TSHR: variants seen among roughly 807,000 people sequenced by gnomAD.
The protein encoded by TSHR is thyrotropin receptor.
TSHR carries 51 observed loss-of-function variants against 64.1 expected under a neutral mutation model. That is an observed-to-expected ratio of 0.80 (90% CI 0.64 to 1.01). The LOEUF is 1.01. TSHR is among the 50% of genes least tolerant of loss of function. The pLI, the probability that TSHR is intolerant of heterozygous loss-of-function variation, is 0.00. For synonymous variants in TSHR, 361 were observed against 361.9 expected (o/e 1.00, Z 0.03); for missense variants, 877 against 942.8 (o/e 0.93, Z 0.91).
chr14:80,957,607 T>C (rs1244102567), intron 1 of TSHR, among the ~76,000 whole-genome samples: 2 of 152,186 alleles, frequency 1.3e-5, no homozygotes, highest in African/African-American at 4.8e-5. Context: ...TTCAAGTCAT[T>C]GAAGAGAGAT....
At chr14:80,982,932 G>T in intron 1 of TSHR, 1 of 521,436 alleles carries the variant, frequency 1.9e-6, no homozygotes, top group Non-Finnish European at 3.5e-6. Context: ...CTTGCAAAAT[G>T]GAATGCTATG....
chr14:81,070,107 G>C (rs1049710363), intron 3 of TSHR, among the ~76,000 whole-genome samples: 1 of 151,886 alleles, frequency 6.6e-6, no homozygotes, highest in Admixed American at 6.6e-5. Context: ...GAGAAAATAA[G>C]AAATATATAG....
intron 1 of TSHR, chr14:80,983,055 C>T (rs1888253349): frequency 5.4e-6 from 3 of 550,606 alleles, no homozygotes; most frequent in East Asian, 5.7e-5. Flanking sequence ...ACCCATTTGC[C>T]CAAGAGTTTA....
At chr14:81,021,978 A>T (rs1284201861) in intron 1 of TSHR, among the ~76,000 whole-genome samples, 1 of 152,026 alleles carries the variant, frequency 6.6e-6, no homozygotes, top group Non-Finnish European at 1.5e-5. Context: ...AATTACAGTA[A>T]TCGGCCGCGT....
intron 1 of TSHR, among the ~76,000 whole-genome samples, chr14:80,997,580 T>G (rs1055590128): frequency 5.9e-5 from 9 of 152,194 alleles, no homozygotes; most frequent in Non-Finnish European, 1.2e-4. Flanking sequence ...TACCCTAAAA[T>G]GATCATTTAA....
rs766480234 is a variant in TSHR, at chr14:80,955,709, T to A, written c.29T>A (p.Val10Glu). 1 of 1,614,094 alleles carries A rather than the reference T, an allele frequency of 6.2e-7. No homozygotes were observed. The highest frequency in any genetic ancestry group is 1.1e-5 in the South Asian group (1 of 91,084). Residue 10 changes from valine to glutamate, a missense_variant, in exon 1 of 10, where the codon GTG becomes GAG. Transcript: ENST00000298171. Reference sequence around the variant, plus strand: ...AGGCCGGCGGACTTGCTGCAGCTGGTGCTGCTGCTCGACCTGCCCAGGGAC... The same window carrying A: ...AGGCCGGCGGACTTGCTGCAGCTGGAGCTGCTGCTCGACCTGCCCAGGGAC... Reference protein sequence around the residue: MRPADLLQLVLLLDLPRDLG... With the variant: MRPADLLQLELLLDLPRDLG...
chr14:81,129,806 G>T (rs1891163789), intron 8 of TSHR, among the ~76,000 whole-genome samples: 1 of 152,054 alleles, frequency 6.6e-6, no homozygotes, highest in African/African-American at 2.4e-5. Flanking sequence ...TTTAAGGCTG[G>T]CCCCTTCACC....
At chr14:81,010,468 A>G (rs1156463540) in intron 1 of TSHR, among the ~76,000 whole-genome samples, 1 of 151,646 alleles carries the variant, frequency 6.6e-6, no homozygotes, top group Non-Finnish European at 1.5e-5. Context: ...ATTTTTAACT[A>G]TATTATAGTT....
intron 4 of TSHR, among the ~76,000 whole-genome samples, chr14:81,088,947 G>A (rs115879421): frequency 0.037 from 5,594 of 151,290 alleles, 210 homozygotes; most frequent in African/African-American, 0.099. Context: ...CACAAATGTA[G>A]GGAACCACGC....
intron 1 of TSHR, chr14:81,001,601 TC>T (rs368047815): frequency 2.1e-5 from 11 of 524,432 alleles, no homozygotes; most frequent in African/African-American, 1.2e-4. Flanking sequence ...CACTACCAAC[TC>T]CCCCATTGTA....
intron 3 of TSHR, among the ~76,000 whole-genome samples, chr14:81,080,553 T>C (rs1887828479): frequency 6.6e-6 from 1 of 151,870 alleles, no homozygotes; most frequent in South Asian, 2.1e-4. Flanking sequence ...TCTGAATACT[T>C]ATAAACTCTC....
Position 81,142,606 on chromosome 14 carries a change from C to CTTTT in TSHR, c.882-317_882-314dup, listed in dbSNP as rs10711545. On this transcript the variant is annotated intron_variant, in intron 9 of 9. Transcript: ENST00000298171. The stretch of plus-strand genomic sequence containing the variant: ...CATTCGTGGGTTTTAAACAAGCATT[C>CTTTT]TTTTTTTTTTTTTTTTTTTTGAGAC... Among the ~76,000 whole-genome samples the CTTTT allele has an allele frequency of 1.1e-4, 11 of 97,226 alleles. No individual in the cohort carries two copies. In the South Asian group the frequency reaches 3.3e-3, roughly 29 times the overall value. 63.8% of individuals were successfully genotyped at this position (97,226 alleles called of 152,430 possible).
chr14:81,109,757 AAAT>A (rs1890142056), intron 8 of TSHR, among the ~76,000 whole-genome samples: 1 of 152,116 alleles, frequency 6.6e-6, no homozygotes, highest in African/African-American at 2.4e-5. Flanking sequence ...CGCTCCATCC[AAAT>A]AAGAGGTCAG....
rs577098458 is a variant in TSHR at position 81,144,673 on chromosome 14, C to T, written c.*320C>T. 2 of 377,046 alleles carry T rather than the reference C, an allele frequency of 5.3e-6. No individual in the cohort carries two copies. Among genetic ancestry groups the T allele is most frequent in the Non-Finnish European group, 9.7e-6 (2 of 206,814 alleles). The allele number at this position is 377,046 out of a possible 1,614,324, so 23.4% of individuals were successfully genotyped here. ...GGATGTTCAGTAAATATTAACTGAGCTATGTCAATATAGAGCTTCTCAGTT... is the reference window on the plus strand; with the variant it reads ...GGATGTTCAGTAAATATTAACTGAGTTATGTCAATATAGAGCTTCTCAGTT... On this transcript the variant is annotated 3_prime_UTR_variant, in exon 10 of 10. Coordinates refer to ENST00000298171, the MANE Select transcript of TSHR (RefSeq NM_000369.5).
At chr14:81,078,189 A>T (rs976226274) in intron 3 of TSHR, among the ~76,000 whole-genome samples, 16 of 152,112 alleles carry the variant, frequency 1.1e-4, no homozygotes, top group Non-Finnish European at 2.2e-4. Context: ...AGCCCAAAAA[A>T]CTTTTAGTAT....
chr14:81,062,129 G>A lies in TSHR; in HGVS notation c.171-19G>A. On this transcript the variant is annotated intron_variant, in intron 1 of 9. Coordinates refer to ENST00000298171, the MANE Select transcript of TSHR (RefSeq NM_000369.5). ...GCCCAATGATTAAAACTCTAATTAT[G>A]TAACTGTTATTTTCACAGGAAGCTT... The A allele has an allele frequency of 1.3e-6, 2 of 1,599,746 alleles. No homozygotes were observed. Among genetic ancestry groups the A allele is most frequent in the Middle Eastern group, 1.7e-4 (1 of 6,022 alleles).
intron 1 of TSHR, chr14:80,983,293 C>A: frequency 1.7e-6 from 2 of 1,171,812 alleles, no homozygotes; most frequent in Non-Finnish European, 2.4e-6. Context: ...GGGCAACTGA[C>A]TACTGATTTT....
intron 1 of TSHR, chr14:80,983,377 G>A (rs1188519183): frequency 9.0e-7 from 1 of 1,116,088 alleles, no homozygotes; most frequent in African/African-American, 1.6e-5. Flanking sequence ...TACAAAACCA[G>A]ACATCTTGTT....
intron 1 of TSHR, among the ~76,000 whole-genome samples, chr14:80,975,142 T>C (rs1887800822): frequency 6.6e-6 from 1 of 152,216 alleles, no homozygotes; most frequent in Non-Finnish European, 1.5e-5. Context: ...GCTCTTCCTA[T>C]TCAGGGACAA....
Sources: gnomAD v4.1 joint callset for allele counts (sites outside exome capture counted in the v4.1 genomes callset) on GRCh38, gnomAD v4.1.1 for gene constraint, MANE v1.5 for transcripts, NCBI Gene and HGNC (gene_info 2026-07-23, HGNC 2026-07-21) for gene names.